ATXN7L3: variants seen among roughly 807,000 people sequenced by gnomAD.
ATXN7L3 encodes ataxin 7 like 3, also known as ataxin-7-like protein 3.
In ATXN7L3, 6 loss-of-function variants were observed where a neutral mutation model predicts 50.0. The observed-to-expected ratio is 0.12, with a 90% CI of 0.07 to 0.24. ATXN7L3 has a LOEUF of 0.24. Among genes scored for constraint, ATXN7L3 ranks in the 10% least tolerant of loss-of-function variants. The pLI is 1.00. For synonymous variants in ATXN7L3, 198 were observed against 165.8 expected, an observed-to-expected ratio of 1.19 and a Z score of -1.49; for missense variants, 322 against 451.3, an observed-to-expected ratio of 0.71 and a Z score of 2.60.
In ATXN7L3 at chr17:44,197,967, G is replaced by A. The variant is rs371317806; in HGVS notation, c.51+53C>T. On this transcript the variant is annotated intron_variant, in intron 2 of 12. Coordinates refer to ENST00000587097, the MANE Select transcript of ATXN7L3 (RefSeq NM_001382309.1). ...CTTTGGTGTGGATGCCAGATACAGC[G>A]ACGTAGAGACATCAAGAGAAAGAAC... 1.4e-4 allele frequency: 223 copies of A among 1,586,884 alleles called. 1 individual carries two copies. The African/African-American group carries it at 2.3e-3, about 17-fold the overall frequency.
chr17:44,192,341 G>A lies in ATXN7L3; in HGVS notation c.*1922C>T, dbSNP rs1246926548. On this transcript the variant is annotated 3_prime_UTR_variant, in exon 13 of 13. Coordinates refer to ENST00000587097, the MANE Select transcript of ATXN7L3 (RefSeq NM_001382309.1). ...CAAGGAACAATGGGGAAGTTTATGT[G>A]GACAAACCAGTTCCCAAGCTACTTC... The A allele has an allele frequency of 6.6e-6, 1 of 152,342 alleles. No individual in the cohort carries two copies. The highest frequency in any genetic ancestry group is 1.5e-5 in the Non-Finnish European group (1 of 68,142). The allele number at this position is 152,342 out of a possible 1,614,324, so 9.4% of individuals were successfully genotyped here.
In ATXN7L3 at chr17:44,194,422, A is replaced by G. The variant is rs760847450; in HGVS notation, c.896-11T>C. 3 of 1,613,864 alleles carry G rather than the reference A, an allele frequency of 1.9e-6. No homozygotes were observed. Among genetic ancestry groups the G allele is most frequent in the South Asian group, 1.1e-5 (1 of 91,078 alleles). ...CAGAGCTGTTGGTACCTGTAGAGAAAGAGACACAAGGGATGAGAGTATGGT... is the reference window on the plus strand; with the variant it reads ...CAGAGCTGTTGGTACCTGTAGAGAAGGAGACACAAGGGATGAGAGTATGGT... On this transcript the variant is annotated splice_polypyrimidine_tract_variant and intron_variant, in intron 12 of 12. Coordinates refer to ENST00000587097, the MANE Select transcript of ATXN7L3 (RefSeq NM_001382309.1).
At chr17:44,196,306 T>A in intron 6 of ATXN7L3, 90 bp downstream of exon 6, 1 of 1,353,524 alleles carries the variant, frequency 7.4e-7, no homozygotes, top group Non-Finnish European at 9.9e-7. Context: ...GACCTCAGCC[T>A]TGAGTCATGA....
In ATXN7L3 at chr17:44,193,376, G is replaced by A. The variant is rs2055765632; in HGVS notation, c.*887C>T. On this transcript the variant is annotated 3_prime_UTR_variant, in exon 13 of 13. Coordinates refer to ENST00000587097, the MANE Select transcript of ATXN7L3 (RefSeq NM_001382309.1). ...GCAGGAGGAACACGGGGCCACCCCA[G>A]GAGGGTGAGGCTGGGTCCCTTCCTG... is the stretch of plus-strand genomic sequence containing the variant. 6.6e-6 allele frequency: 1 copy of A among 152,636 alleles called. No homozygotes were observed. The highest frequency in any genetic ancestry group is 1.5e-5 in the Non-Finnish European group (1 of 68,092). 9.5% of individuals were successfully genotyped at this position (152,636 alleles called of 1,614,324 possible). A position where few individuals can be genotyped will look rare whatever the true frequency, so the allele number is the denominator to read the frequency against.
At chr17:44,195,674 AT>A (rs1465423264) in intron 8 of ATXN7L3, 125 bp downstream of exon 8, 16 of 1,239,864 alleles carry the variant, frequency 1.3e-5, no homozygotes, top group Non-Finnish European at 1.6e-5. Flanking sequence ...AAGAACATAA[AT>A]ATGTAAGATC....
At chr17:44,198,856 C>T (rs571761421) in intron 1 of ATXN7L3, 4 of 152,752 alleles carry the variant, frequency 2.6e-5, no homozygotes, top group Admixed American at 6.5e-5. Flanking sequence ...GAAGTCTCTC[C>T]AAGAGCCCCA....
chr17:44,196,087 G>A lies in ATXN7L3; in HGVS notation c.478-8C>T. ...TCGAGGGGAATTGGGGTTCTGGAAT[G>A]GGAGATACCATAGCTTTGGGGAAAG... is the stretch of plus-strand genomic sequence containing the variant. On this transcript the variant is annotated splice_region_variant and splice_polypyrimidine_tract_variant and intron_variant, in intron 6 of 12. Coordinates refer to ENST00000587097, the MANE Select transcript of ATXN7L3 (RefSeq NM_001382309.1). 6.2e-7 allele frequency: 1 copy of A among 1,612,730 alleles called. No homozygotes were observed. Among genetic ancestry groups the A allele is most frequent in the Non-Finnish European group, 8.5e-7 (1 of 1,178,810 alleles).
intron 8 of ATXN7L3, 58 bp downstream of exon 8, chr17:44,195,742 C>T (rs913844399): frequency 4.6e-6 from 7 of 1,538,060 alleles, no homozygotes; most frequent in Admixed American, 3.4e-5. Flanking sequence ...TTGTCCAAAT[C>T]CCCACCACCT....
Position 44,195,388 on chromosome 17 carries a change from G to A in ATXN7L3, c.621+31C>T, listed in dbSNP as rs1186676441. The A allele has an allele frequency of 4.4e-6, 7 of 1,605,990 alleles. No homozygotes were observed. In the Admixed American group the frequency reaches 5.0e-5, roughly 11 times the overall value. On this transcript the variant is annotated intron_variant, in intron 9 of 12. Transcript: ENST00000587097. ...TGCCTATGGCTCCAGCCCACTCCCA[G>A]GGACCTTCTCTCTTGCTGGTCCTCC...
At chr17:44,196,204 A>C (rs2055881293) in intron 6 of ATXN7L3, 125 bp from the exon 7 acceptor site, 2 of 1,287,884 alleles carry the variant, frequency 1.6e-6, no homozygotes, top group African/African-American at 1.5e-5. Flanking sequence ...CCCCAGTAGG[A>C]GGCCTGTCTA....
At position 44,194,736 on chromosome 17, in the gene ATXN7L3, C is replaced by T. The variant is rs749385874; in HGVS notation, c.737+32G>A. On this transcript the variant is annotated intron_variant, in intron 11 of 12. Coordinates refer to ENST00000587097, the MANE Select transcript of ATXN7L3 (RefSeq NM_001382309.1). ...TAGTGATCATCGCCCTAACTGGTCACAACCCCCCACCCTTCCTGTAGGGCC... is the reference window on the plus strand; with the variant it reads ...TAGTGATCATCGCCCTAACTGGTCATAACCCCCCACCCTTCCTGTAGGGCC... 4 of 1,613,746 alleles carry T rather than the reference C, an allele frequency of 2.5e-6. No homozygotes were observed. In the East Asian group the frequency reaches 8.9e-5, roughly 36 times the overall value.
chr17:44,194,057 T>C lies in ATXN7L3; in HGVS notation c.*206A>G, dbSNP rs1163857366. The C allele has an allele frequency of 3.8e-5, 24 of 632,014 alleles. No individual in the cohort carries two copies. Among genetic ancestry groups the C allele is most frequent in the East Asian group, 2.5e-4 (9 of 35,944 alleles). 39.2% of individuals were successfully genotyped at this position (632,014 alleles called of 1,614,324 possible). ...GTCCAAGGCATAATATGTCCAGGTC[T>C]GAGTCCTGCACGCCGAGGAGTCGTG... On this transcript the variant is annotated 3_prime_UTR_variant, in exon 13 of 13. Coordinates refer to ENST00000587097, the MANE Select transcript of ATXN7L3 (RefSeq NM_001382309.1).
At chr17:44,196,799 A>AAT in intron 5 of ATXN7L3, 130 bp downstream of exon 5, 2 of 585,126 alleles carry the variant, frequency 3.4e-6, no homozygotes. Flanking sequence ...AAAAAAAAAA[A>AAT]GGAAAAGGAA....
intron 6 of ATXN7L3, 147 bp from the exon 7 acceptor site, chr17:44,196,226 T>TCCCCCCCCCCCCCAAGCCCCC: frequency 1.4e-6 from 1 of 737,700 alleles, no homozygotes; most frequent in Non-Finnish European, 2.1e-6. Flanking sequence ...CCATGTGCCC[T>TCCCCCCCCCCCCCAAGCCCCC]CCCCCACCCC....
At chr17:44,196,347 G>A (rs1223259876) in intron 6 of ATXN7L3, 49 bp downstream of exon 6, 4 of 1,610,818 alleles carry the variant, frequency 2.5e-6, no homozygotes, top group East Asian at 2.2e-5. Flanking sequence ...AAAGGGGAGG[G>A]TATCTGTCCT....
At chr17:44,197,063 AG>A (rs748731018) in intron 4 of ATXN7L3, 37 bp from the exon 5 acceptor site, 4 of 1,569,160 alleles carry the variant, frequency 2.5e-6, no homozygotes, top group Non-Finnish European at 3.5e-6. Context: ...GCCAAGGGGA[AG>A]GAAGAGAAAG....
rs745993259 is a variant in ATXN7L3, at chr17:44,194,567, G to T, written c.845C>A (p.Pro282His). Residue 282 changes from proline (P) to histidine (H), a missense_variant, in exon 12 of 13, where the codon CCC becomes CAC. This residue lies in a region of ATXN7L3 where 122 missense variants were observed against 130.8 expected (regional missense o/e 0.93). Transcript: ENST00000587097. ...LQWDGSSDLSPSDSGSSKTSE... is the reference protein window; with the variant it reads ...LQWDGSSDLSHSDSGSSKTSE... ...CGTCTTGGAGGAGCCTGAATCAGAG[G>T]GTGAGAGGTCAGAGGAGCCGTCCCA... 6.8e-6 allele frequency: 11 copies of T among 1,613,838 alleles called. No homozygotes were observed. The highest frequency in any genetic ancestry group is 9.3e-6 in the Non-Finnish European group (11 of 1,179,970).
Position 44,194,629 on chromosome 17 carries a change from G to A in ATXN7L3, c.783C>T (p.Asp261=). 6.2e-7 allele frequency: 1 copy of A among 1,614,026 alleles called. No homozygotes were observed. The change falls in exon 12 of 13, where the codon GAC becomes GAT. Residue 261 remains aspartate, a synonymous_variant. Coordinates refer to ENST00000587097, the MANE Select transcript of ATXN7L3 (RefSeq NM_001382309.1). ...TGATCAGGGCCTGGCTGTCAGTCAT[G>A]TCAAAGCTGTCATTATCCAGGGAGC... The part of the protein sequence containing the change: ...VESSLDNDSF[D]MTDSQALISR...
rs1477096427 is a variant in ATXN7L3 at position 44,194,335 on chromosome 17, T to C, written c.972A>G (p.Leu324=). Residue 324 remains leucine, a synonymous_variant, in exon 13 of 13, where the codon CTA becomes CTG. Transcript: ENST00000587097. ...TTGGCTTCTTCTTCTTGTTGGAACC[T>C]AGGCCGGAGGCAGTCCCTACCAGGC... is the stretch of plus-strand genomic sequence containing the variant. ...HLSLVGTASG[L]GSNKKKKPKP... is the part of the protein sequence containing the mutation. The C allele has an allele frequency of 6.2e-7, 1 of 1,614,178 alleles. No individual in the cohort carries two copies. The highest frequency in any genetic ancestry group is 1.7e-5 in the Admixed American group (1 of 60,024).
Sources: allele counts gnomAD v4.1 joint callset, GRCh38; gene constraint gnomAD v4.1.1; regional missense constraint gnomAD v4.1.1; transcripts MANE v1.5; gene names NCBI Gene and HGNC (gene_info 2026-07-23, HGNC 2026-07-21).